The following LIPE variants were observed in gnomAD, a reference collection of about 807,000 sequenced individuals.
LIPE encodes the protein lipase E, hormone sensitive type.
LIPE carries 66 observed loss-of-function variants against 88.5 expected under a neutral mutation model. The ratio of observed to expected loss-of-function variants is 0.75; its 90% CI spans 0.61 to 0.91. LIPE has a LOEUF of 0.91. Among genes scored for constraint, LIPE ranks in the 40% least tolerant of loss-of-function variants. The pLI is 0.00. For synonymous variants in LIPE, 570 were observed against 617.5 expected (o/e 0.92, Z 1.14); for missense variants, 1,346 against 1,434.7 (o/e 0.94, Z 1.00).
chr19:42,422,087 C>G (rs897323505), intron 1 of LIPE, among the ~76,000 whole-genome samples: 1 of 152,204 alleles, frequency 6.6e-6, no homozygotes, highest in Admixed American at 6.5e-5. Flanking sequence ...GCATACCAGG[C>G]TCTAGAAATA....
intron 2 of LIPE, among the ~76,000 whole-genome samples, chr19:42,409,647 C>A (rs1300404825): frequency 6.6e-6 from 1 of 152,244 alleles, no homozygotes; most frequent in Non-Finnish European, 1.5e-5. Flanking sequence ...CCTGGCTGTG[C>A]GCCCAGTAGG....
chr19:42,416,441 CA>C (rs2040489577), intron 1 of LIPE, among the ~76,000 whole-genome samples: 1 of 152,174 alleles, frequency 6.6e-6, no homozygotes, highest in African/African-American at 2.4e-5. Context: ...AAGACGGCTA[CA>C]TTAAGCAACA....
chr19:42,411,197 T>C, intron 1 of LIPE: 1 of 573,932 alleles, frequency 1.7e-6, no homozygotes, highest in Non-Finnish European at 2.2e-6. Flanking sequence ...ACTCAGAAAC[T>C]TGCTGCCCTG....
chr19:42,426,871 G>T lies in LIPE; in HGVS notation c.279C>A (p.Pro93=), dbSNP rs774871155. Residue 93 remains proline (P), a synonymous_variant, in exon 1 of 10, where the codon CCC becomes CCA. Coordinates refer to ENST00000244289, the MANE Select transcript of LIPE (RefSeq NM_005357.4). The part of the protein sequence containing the change: ...SQEEFLAPQK[P]APQQSPYIQR... ...GGATGTAAGGTGATTGCTGTGGTGCGGGCTTCTGTGGGGCAAGAAATTCCT... is the reference window on the plus strand; with the variant it reads ...GGATGTAAGGTGATTGCTGTGGTGCTGGCTTCTGTGGGGCAAGAAATTCCT... 6.2e-7 allele frequency: 1 copy of T among 1,614,128 alleles called. No individual in the cohort carries two copies. Among genetic ancestry groups the T allele is most frequent in the Admixed American group, 1.7e-5 (1 of 60,016 alleles).
rs1004675527 is a variant in LIPE, at chr19:42,401,711, C to T, written c.*101G>A. On this transcript the variant is annotated 3_prime_UTR_variant, in exon 10 of 10. Transcript: ENST00000244289. ...AGCTTTCGGGCCCCCGCCCCGCCCC[C>T]TTGCCACCCCCGACTTAAGTAAGGC... 3 of 445,550 alleles carry T rather than the reference C, an allele frequency of 6.7e-6. No individual in the cohort carries two copies. The highest frequency in any genetic ancestry group is 4.8e-5 in the East Asian group (1 of 20,752). The allele number at this position is 445,550 out of a possible 1,614,324, so 27.6% of individuals were successfully genotyped here.
chr19:42,412,684 C>T (rs551265070), intron 1 of LIPE: 152 of 471,858 alleles, frequency 3.2e-4, no homozygotes, highest in Non-Finnish European at 4.0e-4. Context: ...GGCCCCCAGC[C>T]CCTTCATCCT....
At chr19:42,403,445 G>GTTTTT (rs1231529110) in intron 8 of LIPE, among the ~76,000 whole-genome samples, 10 of 148,268 alleles carry the variant, frequency 6.7e-5, no homozygotes, top group African/African-American at 2.5e-4. Flanking sequence ...ATAATATATC[G>GTTTTT]TTTTTTGTTT....
At chr19:42,411,356 G>T in intron 1 of LIPE, 1 of 983,578 alleles carries the variant, frequency 1.0e-6, no homozygotes, top group Non-Finnish European at 1.2e-6. Flanking sequence ...ATTCTCCTGG[G>T]GCCCAAGACT....
At position 42,401,956 on chromosome 19, in the gene LIPE, T is replaced by C. The variant is rs1600098362; in HGVS notation, c.3087A>G (p.Leu1029=). 6.4e-7 allele frequency: 1 copy of C among 1,557,768 alleles called. No homozygotes were observed. The highest frequency in any genetic ancestry group is 8.7e-7 in the Non-Finnish European group (1 of 1,155,402). Residue 1029 remains leucine, a synonymous_variant, in exon 10 of 10, where the codon CTA becomes CTG. Transcript: ENST00000244289. Reference sequence around the variant, plus strand: ...GGCGCGTCTCGCGGCACAGCGCCGCTAGGGTCAGGAAGCCGTGCGGCAGGT... The same window carrying C: ...GGCGCGTCTCGCGGCACAGCGCCGCCAGGGTCAGGAAGCCGTGCGGCAGGT... ...VEDLPHGFLT[L]AALCRETRQA... is the part of the protein sequence containing the mutation.
rs930608094 is a variant in LIPE at position 42,402,965 on chromosome 19, G to A, written c.2609C>T (p.Ser870Phe). Residue 870 changes from serine (S) to phenylalanine (F), a missense_variant, in exon 9 of 10, where the codon TCC becomes TTC. By Grantham distance (155) the Ser-to-Phe change is radical. Transcript: ENST00000244289. ...GTCCCTCAGGGTCAGGTTCTTGAGGGAATCCGTGCCCAGTGGGCCCTGGGG... is the reference window on the plus strand; with the variant it reads ...GTCCCTCAGGGTCAGGTTCTTGAGGAAATCCGTGCCCAGTGGGCCCTGGGG... ...AQPQGPLGTDSLKNLTLRDLS... is the reference protein window; with the variant it reads ...AQPQGPLGTDFLKNLTLRDLS... The A allele has an allele frequency of 6.2e-7, 1 of 1,606,094 alleles. No homozygotes were observed. The highest frequency in any genetic ancestry group is 8.5e-7 in the Non-Finnish European group (1 of 1,179,058).
chr19:42,405,817 G>C (rs2040152256), intron 7 of LIPE: 3 of 551,366 alleles, frequency 5.4e-6, no homozygotes. Flanking sequence ...AGCTGGGCGT[G>C]GTAGTGGTGG....
At chr19:42,420,019 T>G (rs976073846) in intron 1 of LIPE, among the ~76,000 whole-genome samples, 1 of 151,844 alleles carries the variant, frequency 6.6e-6, no homozygotes, top group Non-Finnish European at 1.5e-5. Context: ...CTTTTTTTTT[T>G]TTTTTTCATT....
Position 42,426,267 on chromosome 19 carries a change from CT to C in LIPE, c.882del (p.Ala295ProfsTer13). The C allele has an allele frequency of 6.3e-7, 1 of 1,597,894 alleles. No individual in the cohort carries two copies. The highest frequency in any genetic ancestry group is 8.6e-7 in the Non-Finnish European group (1 of 1,166,714). On this transcript the variant is annotated frameshift_variant and splice_region_variant, in exon 1 of 10. Transcript: ENST00000244289. LOFTEE classifies it high-confidence loss of function. ...SARNHRHYQD[T>X]ASRLIHNMDL... ...TCAATTCCTCCAGATTCACACTCAC[CT>C]GTATCCTGGTAGTGTCTGTGATTCC...
At chr19:42,412,422 C>T (rs2040401308) in intron 1 of LIPE, 2 of 985,824 alleles carry the variant, frequency 2.0e-6, no homozygotes, top group Non-Finnish European at 2.4e-6. Context: ...GTGGCTTGTG[C>T]CAGTAGCAGC....
At position 42,405,365 on chromosome 19, in the gene LIPE, G is replaced by A; in HGVS notation, c.2542+20C>T. On this transcript the variant is annotated intron_variant, in intron 8 of 9. Coordinates refer to ENST00000244289, the MANE Select transcript of LIPE (RefSeq NM_005357.4). ...TCCTGCCCACCCTGGCTGGGCATGTGACGGGAGTGAATCACTCACCTGCTA... is the reference window on the plus strand; with the variant it reads ...TCCTGCCCACCCTGGCTGGGCATGTAACGGGAGTGAATCACTCACCTGCTA... 6.2e-7 allele frequency: 1 copy of A among 1,609,960 alleles called. No individual in the cohort carries two copies. Among genetic ancestry groups the A allele is most frequent in the Non-Finnish European group, 8.5e-7 (1 of 1,178,436 alleles).
chr19:42,405,961 GTC>G (rs137919065), intron 7 of LIPE, 198 bp downstream of exon 7: 2,098 of 488,382 alleles, frequency 4.3e-3, no homozygotes, highest in South Asian at 5.9e-3. Flanking sequence ...GTGTCTGTCT[GTC>G]TCTCTCTCTC....
Position 42,405,976 on chromosome 19 carries a change from T to TCACACACACA in LIPE, c.2365+175_2365+184dup, listed in dbSNP as rs57282318. The TCACACACACA allele has an allele frequency of 1.6e-3, 680 of 418,596 alleles. 1 individual carries two copies. The highest frequency in any genetic ancestry group is 2.1e-3 in the Non-Finnish European group (492 of 233,176). 25.9% of individuals were successfully genotyped at this position (418,596 alleles called of 1,614,324 possible). A position where few individuals can be genotyped will look rare whatever the true frequency, so the allele number is the denominator to read the frequency against. On this transcript the variant is annotated intron_variant, in intron 7 of 9. Transcript: ENST00000244289. ...GTGTCTGTCTGTCTCTCTCTCTCTC[T>TCACACACACA]CACACACACACACACACACACACAC...
chr19:42,404,693 A>G (rs1007222282), intron 8 of LIPE, among the ~76,000 whole-genome samples: 7 of 152,200 alleles, frequency 4.6e-5, no homozygotes, highest in African/African-American at 1.7e-4. Flanking sequence ...TACGAAGGTG[A>G]GGTGCAAAAC....
intron 7 of LIPE, chr19:42,405,779 G>C (rs575870150): frequency 3.5e-5 from 20 of 573,234 alleles, no homozygotes; most frequent in South Asian, 1.8e-4. Flanking sequence ...AGACCAGCCT[G>C]GGCAACATAG....
Sources: allele counts gnomAD v4.1 joint callset (sites outside exome capture counted in the v4.1 genomes callset), GRCh38; gene constraint gnomAD v4.1.1; transcripts MANE v1.5; gene names NCBI Gene and HGNC (gene_info 2026-07-23, HGNC 2026-07-21).